The following SHISA9 variants were observed in gnomAD, a reference collection of about 807,000 sequenced individuals.
The protein encoded by SHISA9 is shisa family member 9.
A neutral mutation model predicts 38.0 loss-of-function variants in SHISA9; 13 were observed. That is an observed-to-expected ratio of 0.34 (90% CI 0.22 to 0.54). The LOEUF (loss-of-function observed/expected upper bound fraction) is 0.54, where lower values mean the gene tolerates loss of function less well. SHISA9 is among the 20% of genes least tolerant of loss of function. SHISA9 has a pLI of 0.91. For synonymous variants in SHISA9, 275 were observed against 242.0 expected (o/e 1.14, Z -1.27); for missense variants, 538 against 575.8 (o/e 0.93, Z 0.67).
chr16:13,354,941 G>C, the SHISA9 span, among the ~76,000 whole-genome samples: 2 of 151,678 alleles, frequency 1.3e-5, no homozygotes, highest in Non-Finnish European at 2.9e-5. Context: ...CTTTGCGGCA[G>C]TACAGCCCAG....
At chr16:13,343,120 A>G in the SHISA9 span, among the ~76,000 whole-genome samples, 2 of 152,178 alleles carry the variant, frequency 1.3e-5, no homozygotes, top group African/African-American at 2.4e-5. Flanking sequence ...TATTTTTGTC[A>G]TGATCATTAA....
At chr16:13,376,447 A>G in the SHISA9 span, among the ~76,000 whole-genome samples, 3 of 152,164 alleles carry the variant, frequency 2.0e-5, no homozygotes, top group East Asian at 5.8e-4. Flanking sequence ...AGGTGGGGAA[A>G]TCCCATGTCA....
chr16:13,487,836 T>G, the SHISA9 span, among the ~76,000 whole-genome samples: 2 of 152,218 alleles, frequency 1.3e-5, no homozygotes, highest in South Asian at 4.1e-4. Context: ...CATGTAACCC[T>G]TGGATACAGA....
At chr16:13,216,336 A>G (rs1350660101) in intron 4 of SHISA9, among the ~76,000 whole-genome samples, 1 of 152,128 alleles carries the variant, frequency 6.6e-6, no homozygotes, top group Non-Finnish European at 1.5e-5. Flanking sequence ...CAAAATGGAG[A>G]CCATCATATC....
intron 2 of SHISA9, among the ~76,000 whole-genome samples, chr16:13,189,755 A>C (rs1455542256): frequency 2.0e-5 from 3 of 152,232 alleles, no homozygotes; most frequent in Admixed American, 6.5e-5. Context: ...GTATTTTTAC[A>C]TATGGTTAAT....
chr16:13,363,354 G>T, the SHISA9 span, among the ~76,000 whole-genome samples: 1 of 152,192 alleles, frequency 6.6e-6, no homozygotes, highest in African/African-American at 2.4e-5. Flanking sequence ...TTTTATTCCA[G>T]GTGCTTGGCA....
At chr16:13,012,360 G>A (rs1279335718) in intron 2 of SHISA9, among the ~76,000 whole-genome samples, 1 of 152,140 alleles carries the variant, frequency 6.6e-6, no homozygotes, top group Non-Finnish European at 1.5e-5. Flanking sequence ...GGAGGAATCA[G>A]CCAGGGAATA....
chr16:13,317,148 A>G, the SHISA9 span, among the ~76,000 whole-genome samples: 1 of 152,186 alleles, frequency 6.6e-6, no homozygotes, highest in Admixed American at 6.5e-5. Context: ...AGAAACTATC[A>G]ATAGCAGACG....
intron 2 of SHISA9, among the ~76,000 whole-genome samples, chr16:13,121,832 TACAC>T (rs55727441): frequency 0.13 from 16,973 of 134,600 alleles, 913 homozygotes; most frequent in Middle Eastern, 0.17. Context: ...TATACACACA[TACAC>T]ACACACACAC....
intron 2 of SHISA9, among the ~76,000 whole-genome samples, chr16:13,085,046 A>T (rs2073694951): frequency 6.6e-6 from 1 of 152,132 alleles, no homozygotes; most frequent in African/African-American, 2.4e-5. Flanking sequence ...GGTGTCCCAA[A>T]TGTGTGTGTT....
the SHISA9 span, among the ~76,000 whole-genome samples, chr16:13,293,246 G>T: frequency 6.6e-6 from 1 of 152,020 alleles, no homozygotes; most frequent in South Asian, 2.1e-4. Context: ...ACGCACGCGC[G>T]CAAACACACA....
chr16:13,252,436 T>G, the SHISA9 span, among the ~76,000 whole-genome samples: 1 of 152,230 alleles, frequency 6.6e-6, no homozygotes, highest in Non-Finnish European at 1.5e-5. Context: ...ACAGCTCTCC[T>G]GCTTCAAAGA....
intron 2 of SHISA9, among the ~76,000 whole-genome samples, chr16:13,099,423 GA>G (rs748057267): frequency 1.3e-4 from 20 of 152,274 alleles, no homozygotes; most frequent in Non-Finnish European, 2.4e-4. Context: ...AAGGGTGGGG[GA>G]CAAAGAATGC....
At chr16:13,174,477 T>G (rs1180364228) in intron 2 of SHISA9, among the ~76,000 whole-genome samples, 3 of 152,184 alleles carry the variant, frequency 2.0e-5, no homozygotes, top group African/African-American at 7.2e-5. Context: ...ATGTTGGTCC[T>G]CAGAGAGATA....
chr16:13,305,704 C>T, the SHISA9 span, among the ~76,000 whole-genome samples: 1 of 152,190 alleles, frequency 6.6e-6, no homozygotes, highest in Non-Finnish European at 1.5e-5. Flanking sequence ...AGACCGCAGC[C>T]TTGTGAGGGA....
At chr16:12,933,405 C>T (rs1405755535) in intron 2 of SHISA9, among the ~76,000 whole-genome samples, 2 of 152,004 alleles carry the variant, frequency 1.3e-5, no homozygotes, top group East Asian at 3.9e-4. Context: ...AGCAATTCTG[C>T]TTCAGCCTCA....
chr16:12,962,370 T>C (rs996320051), intron 2 of SHISA9, among the ~76,000 whole-genome samples: 2 of 152,310 alleles, frequency 1.3e-5, no homozygotes, highest in Middle Eastern at 3.4e-3. Context: ...CCCAGTTGCA[T>C]GAATGATAGT....
the SHISA9 span, among the ~76,000 whole-genome samples, chr16:13,561,765 T>G: frequency 1.6e-4 from 24 of 152,132 alleles, no homozygotes; most frequent in Admixed American, 9.8e-4. Context: ...AGCCCTGGAA[T>G]AGAGTAGATG....
chr16:13,557,372 G>A, the SHISA9 span, among the ~76,000 whole-genome samples: 1 of 152,164 alleles, frequency 6.6e-6, no homozygotes, highest in African/African-American at 2.4e-5. Flanking sequence ...GTATTTGCCT[G>A]GAATTTCAAC....
Sources: allele counts gnomAD v4.1 joint callset (sites outside exome capture counted in the v4.1 genomes callset), GRCh38; gene constraint gnomAD v4.1.1; transcripts MANE v1.5; gene names NCBI Gene and HGNC (gene_info 2026-07-23, HGNC 2026-07-21).